Variants in NLGN4X observed in about 807,000 individuals in gnomAD.
NLGN4X encodes the protein neuroligin-4, X-linked.
A neutral mutation model predicts 40.3 loss-of-function variants in NLGN4X; 3 were observed. The ratio of observed to expected loss-of-function variants is 0.07; its 90% confidence interval spans 0.03 to 0.19. The LOEUF is 0.19. Ranked by LOEUF, NLGN4X falls within the 10% of genes least tolerant of loss-of-function variation. NLGN4X has a pLI of 1.00. For missense variants in NLGN4X, 382 were observed against 708.3 expected (o/e 0.54, Z 5.23); for synonymous variants, 270 against 306.8 (o/e 0.88, Z 1.25).
intron 5 of NLGN4X, among the ~76,000 whole-genome samples, chrX:5,896,492 G>C (rs2031501387): frequency 8.9e-6 from 1 of 111,739 alleles, no homozygotes; most frequent in Non-Finnish European, 1.9e-5. Flanking sequence ...TAAAATTAAA[G>C]ACTATAATGA....
rs185528611 is a variant in NLGN4X at position 5,890,971 on chromosome X, C to T, written c.*1846G>A. The T allele has an allele frequency of 1.3e-5, 4 of 307,975 alleles. No individual in the cohort carries two copies. The highest frequency in any genetic ancestry group is 3.0e-5 in the South Asian group (1 of 33,586). 25.4% of individuals were successfully genotyped at this position (307,975 alleles called of 1,213,427 possible). A position where few individuals can be genotyped will look rare whatever the true frequency, so the allele number is the denominator to read the frequency against. On this transcript the variant is annotated 3_prime_UTR_variant, in exon 6 of 6. Coordinates refer to ENST00000381095, the MANE Select transcript of NLGN4X (RefSeq NM_181332.3). ...TTTTTATGGGGAATGTCCACTTTAG[C>T]GGAGAGATTTAAGACTGGATTTCTA...
chrX:6,221,391 T>TTATAAATATATATA (rs1925673715), intron 1 of NLGN4X, among the ~76,000 whole-genome samples: 1 of 53,374 alleles, frequency 1.9e-5, no homozygotes, highest in Non-Finnish European at 3.3e-5. Context: ...CCTTCTTATA[T>TTATAAATATATATA]TATATATATA....
intron 3 of NLGN4X, among the ~76,000 whole-genome samples, chrX:5,963,025 C>A (rs894384072): frequency 1.3e-4 from 12 of 95,376 alleles, no homozygotes; most frequent in Admixed American, 9.8e-4. Context: ...GTTAAGATAA[C>A]AAATACCTAA....
At chrX:6,065,327 G>C (rs926655698) in intron 2 of NLGN4X, among the ~76,000 whole-genome samples, 1 of 101,254 alleles carries the variant, frequency 9.9e-6, no homozygotes, top group Admixed American at 1.1e-4. Context: ...AGAGAGTACT[G>C]GTTAAGTATT....
chrX:6,167,272 A>T (rs190648592), intron 1 of NLGN4X, among the ~76,000 whole-genome samples: 2 of 109,978 alleles, frequency 1.8e-5, no homozygotes, highest in East Asian at 5.8e-4. Flanking sequence ...AGTAATGAAT[A>T]AAAAAACTCT....
chrX:5,983,411 G>A (rs764723373), intron 3 of NLGN4X, among the ~76,000 whole-genome samples: 1 of 112,242 alleles, frequency 8.9e-6, no homozygotes, highest in Non-Finnish European at 1.9e-5. Flanking sequence ...CCAATTTTTT[G>A]AAGAATGTTC....
intron 3 of NLGN4X, among the ~76,000 whole-genome samples, chrX:5,928,244 C>T (rs1420414577): frequency 8.9e-6 from 1 of 112,600 alleles, no homozygotes; most frequent in Non-Finnish European, 1.9e-5. Context: ...CAAAGCCATA[C>T]ACACAAGCTT....
At chrX:5,952,850 G>A (rs1476406856) in intron 3 of NLGN4X, among the ~76,000 whole-genome samples, 1 of 110,640 alleles carries the variant, frequency 9.0e-6, no homozygotes, top group African/African-American at 3.3e-5. Context: ...TACATGTCCC[G>A]CACCTTATAT....
intron 2 of NLGN4X, among the ~76,000 whole-genome samples, chrX:6,074,463 T>C (rs1352928623): frequency 2.7e-5 from 3 of 111,644 alleles, no homozygotes; most frequent in Non-Finnish European, 5.6e-5. Context: ...GTTTGTATTG[T>C]AAGCAATGTG....
intron 2 of NLGN4X, among the ~76,000 whole-genome samples, chrX:6,082,415 C>T (rs899129827): frequency 9.1e-6 from 1 of 109,634 alleles, no homozygotes; most frequent in African/African-American, 3.3e-5. Context: ...GTGGTATGCA[C>T]CTGTAGTCCC....
chrX:5,893,762 C>G (rs2146687942), intron 5 of NLGN4X, 96 bp from the exon 6 acceptor site: 2 of 964,088 alleles, frequency 2.1e-6, no homozygotes, highest in African/African-American at 1.9e-5. Context: ...ACAATCTGCT[C>G]TTCATATATA....
chrX:6,081,075 G>C (rs981301636), intron 2 of NLGN4X, among the ~76,000 whole-genome samples: 1 of 110,577 alleles, frequency 9.0e-6, no homozygotes, highest in Non-Finnish European at 1.9e-5. Flanking sequence ...GATCACCTGA[G>C]GTCAGGAGTT....
chrX:6,154,800 T>C (rs960621397), intron 1 of NLGN4X, among the ~76,000 whole-genome samples: 3 of 111,774 alleles, frequency 2.7e-5, no homozygotes, highest in African/African-American at 6.5e-5. Flanking sequence ...CAGAATGGCA[T>C]TTTGACTAAT....
At chrX:6,054,520 T>G (rs1343164185) in intron 2 of NLGN4X, among the ~76,000 whole-genome samples, 1 of 110,806 alleles carries the variant, frequency 9.0e-6, no homozygotes, top group Non-Finnish European at 1.9e-5. Context: ...CTTGGGAAGC[T>G]GAGGTGGGAG....
intron 2 of NLGN4X, among the ~76,000 whole-genome samples, chrX:6,052,082 A>C (rs1165354623): frequency 9.1e-6 from 1 of 109,975 alleles, no homozygotes; most frequent in Non-Finnish European, 1.9e-5. Context: ...ACCCCTGCTG[A>C]CATCCACCAA....
intron 3 of NLGN4X, among the ~76,000 whole-genome samples, chrX:5,961,154 G>A (rs965260783): frequency 3.6e-5 from 4 of 111,452 alleles, no homozygotes; most frequent in Non-Finnish European, 5.7e-5. Flanking sequence ...TCAGCCTCCC[G>A]AGGGAGAATT....
At chrX:6,213,590 C>A in intron 1 of NLGN4X, among the ~76,000 whole-genome samples, 1 of 112,392 alleles carries the variant, frequency 8.9e-6, no homozygotes, top group Non-Finnish European at 1.9e-5. Context: ...TGCAACCTTT[C>A]AGCAAACCTG....
chrX:6,023,210 G>A (rs1378054664), intron 3 of NLGN4X, among the ~76,000 whole-genome samples: 4 of 111,562 alleles, frequency 3.6e-5, no homozygotes, highest in African/African-American at 9.8e-5. Flanking sequence ...CTACTGCACC[G>A]AAGAGCTTTG....
intron 2 of NLGN4X, among the ~76,000 whole-genome samples, chrX:6,101,495 G>C (rs144483122): frequency 1.0e-3 from 114 of 112,002 alleles, no homozygotes; most frequent in Non-Finnish European, 2.0e-3. Context: ...CTATAAAAAA[G>C]AATCAGATCC....
Sources: gnomAD v4.1 joint callset for allele counts (sites outside exome capture counted in the v4.1 genomes callset) on GRCh38, gnomAD v4.1.1 for gene constraint, MANE v1.5 for transcripts, NCBI Gene and HGNC (gene_info 2026-07-23, HGNC 2026-07-21) for gene names.